The following GATAD2A variants were observed in gnomAD, a reference collection of about 807,000 sequenced individuals.
GATAD2A encodes transcriptional repressor p66-alpha.
GATAD2A carries 12 observed loss-of-function variants against 68.5 expected under a neutral mutation model. The observed-to-expected ratio is 0.18, with a 90% CI of 0.11 to 0.28. The LOEUF is 0.28. GATAD2A is among the 10% of genes least tolerant of loss of function. The pLI, the probability that GATAD2A is intolerant of heterozygous loss-of-function variation, is 1.00. For missense variants in GATAD2A, 755 were observed against 868.5 expected (o/e 0.87, Z 1.64); for synonymous variants, 410 against 375.3 (o/e 1.09, Z -1.07).
chr19:19,406,461 G>A (rs2050273913), intron 1 of GATAD2A, among the ~76,000 whole-genome samples: 1 of 151,360 alleles, frequency 6.6e-6, no homozygotes, highest in African/African-American at 2.4e-5. Context: ...CGCGGCGGCG[G>A]CGGCGGCGGC....
At chr19:19,483,781 ATT>A (rs540958459) in intron 2 of GATAD2A, among the ~76,000 whole-genome samples, 24,710 of 129,936 alleles carry the variant, frequency 0.19, 2,054 homozygotes, top group South Asian at 0.36. Flanking sequence ...TACCCGGCTA[ATT>A]TTTTTTTTTT....
chr19:19,409,453 T>C (rs2050667044), intron 1 of GATAD2A, among the ~76,000 whole-genome samples: 1 of 152,130 alleles, frequency 6.6e-6, no homozygotes, highest in Non-Finnish European at 1.5e-5. Flanking sequence ...AAGTTGGCAA[T>C]GTCATAGTTT....
chr19:19,433,580 GTTTTC>G (rs1297154103), intron 1 of GATAD2A, among the ~76,000 whole-genome samples: 4 of 152,110 alleles, frequency 2.6e-5, no homozygotes, highest in Admixed American at 2.6e-4. Flanking sequence ...ATATACTTCA[GTTTTC>G]TTTTTTTTTG....
At chr19:19,453,040 C>T (rs1390072354) in intron 1 of GATAD2A, among the ~76,000 whole-genome samples, 1 of 152,242 alleles carries the variant, frequency 6.6e-6, no homozygotes, top group Non-Finnish European at 1.5e-5. Context: ...TGCCACTGGG[C>T]ATCCCTGTAG....
At chr19:19,466,264 A>C (rs999043937) in intron 2 of GATAD2A, among the ~76,000 whole-genome samples, 2 of 152,210 alleles carry the variant, frequency 1.3e-5, no homozygotes, top group African/African-American at 4.8e-5. Flanking sequence ...CTTGACTTCA[A>C]AACCTTCCTT....
chr19:19,498,777 GC>G, intron 8 of GATAD2A, 55 bp downstream of exon 8: 1 of 1,468,540 alleles, frequency 6.8e-7, no homozygotes, highest in Admixed American at 1.8e-5. Context: ...CAAGGGTGCT[GC>G]CCCGTGGGTT....
intron 1 of GATAD2A, among the ~76,000 whole-genome samples, chr19:19,420,755 C>T (rs994304040): frequency 2.0e-5 from 3 of 151,872 alleles, no homozygotes; most frequent in Non-Finnish European, 2.9e-5. Context: ...AGTGTGGGTA[C>T]GATGACAGTC....
At chr19:19,402,812 C>T (rs1167137123), upstream of GATAD2A, among the ~76,000 whole-genome samples, 27 of 126,778 alleles carry the variant, frequency 2.1e-4, no homozygotes, top group African/African-American at 8.2e-4. Flanking sequence ...CTGGCTCTGT[C>T]GGCCAGGCTG....
intron 1 of GATAD2A, among the ~76,000 whole-genome samples, chr19:19,434,599 A>G (rs1273666388): frequency 6.6e-6 from 1 of 152,202 alleles, no homozygotes; most frequent in Non-Finnish European, 1.5e-5. Flanking sequence ...AAGAATGACA[A>G]CAGAGGTGAT....
intron 1 of GATAD2A, among the ~76,000 whole-genome samples, chr19:19,419,510 CT>C (rs57019208): frequency 0.046 from 5,117 of 110,628 alleles, 307 homozygotes; most frequent in African/African-American, 0.15. Flanking sequence ...ATCTCTACAT[CT>C]TTTTTTTTTT....
intron 1 of GATAD2A, among the ~76,000 whole-genome samples, chr19:19,426,248 C>T (rs1388842038): frequency 1.3e-5 from 2 of 152,148 alleles, no homozygotes; most frequent in Non-Finnish European, 2.9e-5. Context: ...AGCTTGGGTG[C>T]TCCAGGAAGT....
Position 19,506,434 on chromosome 19 carries a change from G to A in GATAD2A, c.*960G>A, listed in dbSNP as rs561704585. The A allele has an allele frequency of 1.9e-5, 5 of 268,848 alleles. No homozygotes were observed. The East Asian group carries it at 3.1e-4, about 17-fold the overall frequency. 16.7% of individuals were successfully genotyped at this position (268,848 alleles called of 1,614,324 possible). On this transcript the variant is annotated 3_prime_UTR_variant, in exon 12 of 12. Coordinates refer to ENST00000683918, the MANE Select transcript of GATAD2A (RefSeq NM_001384528.1). ...CTTTTTTCTATTCATTTCGATGGAC[G>A]CAATCTTAAGCCACCCTGGCCTTGC...
intron 5 of GATAD2A, among the ~76,000 whole-genome samples, chr19:19,495,071 C>T (rs547943366): frequency 8.8e-4 from 134 of 152,326 alleles, no homozygotes; most frequent in Non-Finnish European, 1.4e-3. Context: ...TCTCAGCTGA[C>T]TGTAGCCTCT....
chr19:19,501,146 G>A lies in GATAD2A; in HGVS notation c.1233G>A (p.Leu411=). 1 of 1,612,760 alleles carries A rather than the reference G, an allele frequency of 6.2e-7. No individual in the cohort carries two copies. Among genetic ancestry groups the A allele is most frequent in the African/African-American group, 1.3e-5 (1 of 75,052 alleles). The part of the protein sequence containing the change: ...QAGRMSAATV[L]SREPYMCAQC... ...GCAGGATGTCGGCCGCCACTGTGCT[G>A]TCCCGGGAGCCCTACATGTGTGCAC... Residue 411 remains leucine (L), a synonymous_variant, in exon 9 of 12, where the codon CTG becomes CTA. Transcript: ENST00000683918.
chr19:19,440,896 T>C lies in GATAD2A; in HGVS notation c.-6-24444T>C, dbSNP rs1439026641. Among the ~76,000 whole-genome samples the C allele has an allele frequency of 2.0e-5, 3 of 151,912 alleles. No individual in the cohort carries two copies. The East Asian group carries it at 5.8e-4, about 29-fold the overall frequency. ...AGGTAAACAAATTTATTTCCTTCTT[T>C]CCTTCCCTTCCTTTCCTTCCTTCCC... On this transcript the variant is annotated intron_variant, in intron 1 of 11. Coordinates refer to ENST00000683918, the MANE Select transcript of GATAD2A (RefSeq NM_001384528.1).
At chr19:19,393,657 C>A (rs1480563794) in intron 1 of GATAD2A, among the ~76,000 whole-genome samples, 1 of 152,120 alleles carries the variant, frequency 6.6e-6, no homozygotes, top group African/African-American at 2.4e-5. Flanking sequence ...TGCAGCTACC[C>A]TCATTGGGAG....
intron 1 of GATAD2A, among the ~76,000 whole-genome samples, chr19:19,406,481 T>A: frequency 6.8e-6 from 1 of 146,428 alleles, no homozygotes; most frequent in Non-Finnish European, 1.5e-5. Context: ...CGGCGGCGGA[T>A]CCCGTGTCAG....
At chr19:19,411,139 C>T (rs538758643) in intron 1 of GATAD2A, among the ~76,000 whole-genome samples, 4 of 152,264 alleles carry the variant, frequency 2.6e-5, no homozygotes, top group Admixed American at 2.6e-4. Flanking sequence ...ATTCCCCTCT[C>T]TCCATGTTCC....
chr19:19,453,972 T>TG (rs1471063328), intron 1 of GATAD2A, among the ~76,000 whole-genome samples: 7 of 144,844 alleles, frequency 4.8e-5, no homozygotes, highest in African/African-American at 1.4e-4. Flanking sequence ...AAATTTTTTG[T>TG]GTTTTTTTTT....
Sources: gnomAD v4.1 joint callset for allele counts (sites outside exome capture counted in the v4.1 genomes callset) on GRCh38, gnomAD v4.1.1 for gene constraint, MANE v1.5 for transcripts, NCBI Gene and HGNC (gene_info 2026-07-23, HGNC 2026-07-21) for gene names.